CWH43: variants seen among roughly 807,000 people sequenced by gnomAD.
CWH43 encodes PGAP2-interacting protein.
Under a neutral mutation model 85.7 loss-of-function variants are expected in CWH43, and 91 were observed. The observed-to-expected ratio is 1.06, with a 90% CI of 0.90 to 1.26. CWH43 has a LOEUF of 1.26. Ranked by LOEUF, CWH43 falls within the 50% of genes most tolerant of loss-of-function variation. CWH43 has a pLI of 0.00. For missense variants in CWH43, 869 were observed against 839.2 expected (o/e 1.04, Z -0.44); for synonymous variants, 323 against 293.6 (o/e 1.10, Z -1.02).
chr4:49,040,667 T>C (rs994331648), intron 13 of CWH43, among the ~76,000 whole-genome samples: 17 of 152,190 alleles, frequency 1.1e-4, no homozygotes, highest in Non-Finnish European at 2.2e-4. Context: ...GAGTAGGTTT[T>C]GAAAATTTTC....
intron 13 of CWH43, among the ~76,000 whole-genome samples, chr4:49,043,876 A>G (rs1182389388): frequency 6.6e-6 from 1 of 151,996 alleles, no homozygotes; most frequent in Non-Finnish European, 1.5e-5. Context: ...TATGTATACA[A>G]AAGGTATATG....
chr4:49,007,305 A>G lies in CWH43; in HGVS notation c.1165A>G (p.Ser389Gly), dbSNP rs1783190988. The change falls in exon 8 of 16, where the codon AGT (serine) becomes GGT (glycine). Residue 389 changes from serine to glycine, a missense_variant. Coordinates refer to ENST00000226432, the MANE Select transcript of CWH43 (RefSeq NM_025087.3). ...KNSSKVLFRKSEKYMKLFLWL... is the reference protein window; with the variant it reads ...KNSSKVLFRKGEKYMKLFLWL... Reference sequence around the variant, plus strand: ...CAGTTCTAAAGTGCTTTTCAGAAAGAGTGAAAAATACATGAAACTTTGTAA... The same window carrying G: ...CAGTTCTAAAGTGCTTTTCAGAAAGGGTGAAAAATACATGAAACTTTGTAA... The G allele has an allele frequency of 1.2e-6, 2 of 1,601,860 alleles. No homozygotes were observed. Among genetic ancestry groups the G allele is most frequent in the Non-Finnish European group, 1.7e-6 (2 of 1,175,826 alleles).
chr4:49,012,022 C>T (rs1451906762), intron 8 of CWH43, among the ~76,000 whole-genome samples: 2 of 152,102 alleles, frequency 1.3e-5, no homozygotes, highest in East Asian at 3.9e-4. Flanking sequence ...GTTGGCTTGC[C>T]TTGCTAGGTT....
intron 13 of CWH43, among the ~76,000 whole-genome samples, chr4:49,039,718 T>C (rs147319506): frequency 2.0e-5 from 3 of 151,798 alleles, no homozygotes; most frequent in African/African-American, 7.2e-5. Context: ...ACAGAGAGTG[T>C]ATTTCTTTTT....
intron 14 of CWH43, among the ~76,000 whole-genome samples, chr4:49,045,193 A>G (rs567207240): frequency 6.6e-6 from 1 of 152,308 alleles, no homozygotes; most frequent in East Asian, 1.9e-4. Flanking sequence ...CCATTGGATG[A>G]GAAAGTCCTG....
intron 7 of CWH43, among the ~76,000 whole-genome samples, chr4:49,005,154 C>T (rs1435235504): frequency 1.3e-5 from 2 of 152,096 alleles, no homozygotes; most frequent in African/African-American, 4.8e-5. Context: ...AAAAAATGAT[C>T]ATGTACCTTA....
chr4:49,006,978 G>A (rs1783178659), intron 7 of CWH43, among the ~76,000 whole-genome samples: 1 of 152,180 alleles, frequency 6.6e-6, no homozygotes, highest in African/African-American at 2.4e-5. Flanking sequence ...ATCGGGAAAA[G>A]GCTGGGGTCC....
chr4:49,014,744 A>G (rs10222924), intron 8 of CWH43, among the ~76,000 whole-genome samples: 88,958 of 151,926 alleles, frequency 0.59, 29,048 homozygotes, highest in Admixed American at 0.75. Flanking sequence ...TTTTAGGTTC[A>G]TAGGAAAATT....
chr4:49,021,575 G>C (rs1365853108), intron 9 of CWH43, among the ~76,000 whole-genome samples: 1 of 151,912 alleles, frequency 6.6e-6, no homozygotes, highest in Non-Finnish European at 1.5e-5. Context: ...TTTTTTTCCA[G>C]TTCTGTGAAG....
In CWH43 at chr4:49,039,306, G is replaced by GATAT. The variant is rs71600797; in HGVS notation, c.1803+1150_1803+1153dup. Reference sequence around the variant, plus strand: ...ACACAAATCAAATTCTCAGGAGACTGATATATATATATATATATATATATA... The same window carrying GATAT: ...ACACAAATCAAATTCTCAGGAGACTGATATATATATATATATATATATATATATA... On this transcript the variant is annotated intron_variant, in intron 13 of 15. Coordinates refer to ENST00000226432, the MANE Select transcript of CWH43 (RefSeq NM_025087.3). Among the ~76,000 whole-genome samples the GATAT allele has an allele frequency of 5.0e-3, 23 of 4,602 alleles. 5 individuals carry two copies. The highest frequency in any genetic ancestry group is 0.021 in the South Asian group (3 of 146). 3.0% of individuals were successfully genotyped at this position (4,602 alleles called of 152,430 possible).
At chr4:49,043,875 A>C (rs1002222335) in intron 13 of CWH43, among the ~76,000 whole-genome samples, 2 of 151,992 alleles carry the variant, frequency 1.3e-5, no homozygotes, top group African/African-American at 4.8e-5. Context: ...TTATGTATAC[A>C]AAAGGTATAT....
chr4:49,045,910 A>G (rs1560513010), intron 14 of CWH43, among the ~76,000 whole-genome samples: 1 of 152,146 alleles, frequency 6.6e-6, no homozygotes, highest in Non-Finnish European at 1.5e-5. Context: ...TTTGAAATAT[A>G]TAGTACATTG....
At chr4:48,997,990 G>C (rs1404247068) in intron 5 of CWH43, among the ~76,000 whole-genome samples, 1 of 152,062 alleles carries the variant, frequency 6.6e-6, no homozygotes, top group Non-Finnish European at 1.5e-5. Context: ...GAATAAAATA[G>C]TTTGTGGTTG....
intron 9 of CWH43, among the ~76,000 whole-genome samples, chr4:49,021,917 T>C (rs541759755): frequency 6.6e-6 from 1 of 152,224 alleles, no homozygotes; most frequent in Non-Finnish European, 1.5e-5. Context: ...CTTGAAACTT[T>C]GCTGAATTCA....
intron 15 of CWH43, among the ~76,000 whole-genome samples, chr4:49,056,934 A>T (rs1784983373): frequency 6.6e-6 from 1 of 152,118 alleles, no homozygotes; most frequent in African/African-American, 2.4e-5. Flanking sequence ...AGTTTTGTTT[A>T]ATTTCTACAT....
chr4:49,058,678 G>T (rs1785044188), intron 15 of CWH43, among the ~76,000 whole-genome samples: 1 of 152,116 alleles, frequency 6.6e-6, no homozygotes, highest in African/African-American at 2.4e-5. Context: ...TGCAGCTTTT[G>T]TCTCTTTGGG....
chr4:49,029,451 C>A (rs537907981), intron 10 of CWH43, among the ~76,000 whole-genome samples: 88 of 152,310 alleles, frequency 5.8e-4, no homozygotes, highest in African/African-American at 2.0e-3. Context: ...AGGTTTCCCC[C>A]CACTGAGACT....
chr4:49,052,076 A>G (rs1483981173), intron 15 of CWH43, among the ~76,000 whole-genome samples: 1 of 152,176 alleles, frequency 6.6e-6, no homozygotes, highest in African/African-American at 2.4e-5. Flanking sequence ...TTTGGGGGAA[A>G]AAAGAAATTT....
At chr4:49,004,117 T>C (rs2109761748) in intron 7 of CWH43, 125 bp downstream of exon 7, 1 of 832,436 alleles carries the variant, frequency 1.2e-6, no homozygotes, top group Non-Finnish European at 1.8e-6. Context: ...CTTGGTAAAA[T>C]AGACTCTCTT....
Sources: gnomAD v4.1 joint callset for allele counts (sites outside exome capture counted in the v4.1 genomes callset) on GRCh38, gnomAD v4.1.1 for gene constraint, MANE v1.5 for transcripts, NCBI Gene and HGNC (gene_info 2026-07-23, HGNC 2026-07-21) for gene names.